The following IGF1R variants were observed in gnomAD, a reference collection of about 807,000 sequenced individuals.
The protein encoded by IGF1R is insulin-like growth factor 1 receptor.
Under a neutral mutation model 144.6 loss-of-function variants are expected in IGF1R, and 44 were observed. The observed-to-expected ratio is 0.30, with a 90% CI of 0.24 to 0.39. IGF1R has a LOEUF of 0.39. Ranked by LOEUF, IGF1R falls within the 10% of genes least tolerant of loss-of-function variation. The pLI, the probability that IGF1R is intolerant of heterozygous loss-of-function variation, is 1.00. For missense variants in IGF1R, 1,355 were observed against 1,833.7 expected, an observed-to-expected ratio of 0.74 and a Z score of 4.77; for synonymous variants, 795 against 722.8, an observed-to-expected ratio of 1.10 and a Z score of -1.60.
chr15:98,914,071 C>A (rs1243468966), intron 8 of IGF1R, among the ~76,000 whole-genome samples: 1 of 152,228 alleles, frequency 6.6e-6, no homozygotes, highest in Non-Finnish European at 1.5e-5. Context: ...TGAGGGCCCA[C>A]TCCCTGGCTC....
chr15:98,788,005 C>G (rs556442453), intron 2 of IGF1R, among the ~76,000 whole-genome samples: 6 of 150,666 alleles, frequency 4.0e-5, no homozygotes, highest in Non-Finnish European at 8.8e-5. Flanking sequence ...CCTCTGGATC[C>G]TCAGGCCACG....
At chr15:98,697,485 CTG>C (rs1171109187) in intron 1 of IGF1R, among the ~76,000 whole-genome samples, 2 of 152,144 alleles carry the variant, frequency 1.3e-5, no homozygotes, top group East Asian at 1.9e-4. Flanking sequence ...ACGAATCTGA[CTG>C]TGCTGGATGC....
chr15:98,650,278 C>T (rs1408361240), intron 1 of IGF1R, among the ~76,000 whole-genome samples: 1 of 152,214 alleles, frequency 6.6e-6, no homozygotes, highest in African/African-American at 2.4e-5. Context: ...GCCCAACGTG[C>T]TTTTGCCCCT....
chr15:98,765,428 C>T lies in IGF1R; in HGVS notation c.640+57321C>T, dbSNP rs535142587. On this transcript the variant is annotated intron_variant, in intron 2 of 20. Transcript: ENST00000650285. ...GGTTCAAGTGATTCTTGTGCCTCAG[C>T]CTCCCAAGTAGCTGGGGCCACAGGT... 7.6e-4 allele frequency among the ~76,000 whole-genome samples: 115 copies of T among 151,060 alleles called. 1 individual carries two copies. The highest frequency in any genetic ancestry group is 2.7e-3 in the African/African-American group (112 of 41,034).
At chr15:98,814,770 A>G (rs2141465283) in intron 2 of IGF1R, among the ~76,000 whole-genome samples, 1 of 151,896 alleles carries the variant, frequency 6.6e-6, no homozygotes. Context: ...AGAGAAATGA[A>G]TGGAAGACCA....
intron 1 of IGF1R, among the ~76,000 whole-genome samples, chr15:98,680,777 G>T (rs1264805989): frequency 6.6e-6 from 1 of 151,392 alleles, no homozygotes; most frequent in African/African-American, 2.4e-5. Context: ...TCACTATGTT[G>T]CCTAGGCTGG....
intron 1 of IGF1R, among the ~76,000 whole-genome samples, chr15:98,674,313 A>G (rs1472533007): frequency 6.6e-6 from 1 of 152,216 alleles, no homozygotes; most frequent in Non-Finnish European, 1.5e-5. Flanking sequence ...TCACTCTTGA[A>G]TGCCTGCTAC....
At chr15:98,775,346 C>A (rs183639369) in intron 2 of IGF1R, among the ~76,000 whole-genome samples, 1 of 152,158 alleles carries the variant, frequency 6.6e-6, no homozygotes, top group Admixed American at 6.5e-5. Context: ...GGAGCTTTGA[C>A]GATTCCAAAG....
chr15:98,708,170 C>CGAGT (rs2053911257), intron 2 of IGF1R, 63 bp downstream of exon 2: 1 of 1,400,338 alleles, frequency 7.1e-7, no homozygotes, highest in African/African-American at 1.4e-5. Context: ...CCTCCTTGAC[C>CGAGT]TCCCTTCTCT....
chr15:98,682,667 C>T (rs1479747292), intron 1 of IGF1R, among the ~76,000 whole-genome samples: 1 of 152,056 alleles, frequency 6.6e-6, no homozygotes, highest in Non-Finnish European at 1.5e-5. Context: ...CCTGCCTCAG[C>T]CTTCCAGGTA....
chr15:98,713,319 A>AT (rs2141268298), intron 2 of IGF1R, among the ~76,000 whole-genome samples: 1 of 152,146 alleles, frequency 6.6e-6, no homozygotes, highest in Non-Finnish European at 1.5e-5. Flanking sequence ...CGGAAGATAC[A>AT]TTTTCCCCTT....
chr15:98,935,215 C>T lies in IGF1R; in HGVS notation c.3187-101C>T. 1.0e-6 allele frequency: 1 copy of T among 1,002,620 alleles called. No individual in the cohort carries two copies. Among genetic ancestry groups the T allele is most frequent in the Non-Finnish European group, 1.5e-6 (1 of 647,020 alleles). The allele number at this position is 1,002,620 out of a possible 1,614,324, so 62.1% of individuals were successfully genotyped here. A position where few individuals can be genotyped will look rare whatever the true frequency, so the allele number is the denominator to read the frequency against. On this transcript the variant is annotated intron_variant, in intron 16 of 20. Transcript: ENST00000650285. This position sits in a 1 kb window ranked among gnomAD's most constrained non-coding sequence, Gnocchi z 4.2. Reference sequence around the variant, plus strand: ...TCACTGCTACCTTCAGACCCCTGTGCTCAGACCAGGCCGCAGCACCACAGA... The same window carrying T: ...TCACTGCTACCTTCAGACCCCTGTGTTCAGACCAGGCCGCAGCACCACAGA...
intron 2 of IGF1R, among the ~76,000 whole-genome samples, chr15:98,766,968 C>T (rs1397387433): frequency 2.6e-5 from 4 of 152,198 alleles, no homozygotes; most frequent in Non-Finnish European, 4.4e-5. Context: ...ATGGTGTCAG[C>T]GTAGGGACCA....
At position 98,769,353 on chromosome 15, in the gene IGF1R, T is replaced by TA. The variant is rs9282717; in HGVS notation, c.640+61252dup. 3.7e-4 allele frequency among the ~76,000 whole-genome samples: 56 copies of TA among 152,284 alleles called. 1 individual carries two copies. The highest frequency in any genetic ancestry group is 3.3e-3 in the Admixed American group (51 of 15,292). On this transcript the variant is annotated intron_variant, in intron 2 of 20. Transcript: ENST00000650285. ...TTTTGCTCTAAGGGGTATAAGGTGT[T>TA]AAAAAATGAATGGAAGTTAACTCAT...
intron 20 of IGF1R, among the ~76,000 whole-genome samples, chr15:98,951,255 T>G (rs559125353): frequency 4.6e-5 from 7 of 152,318 alleles, no homozygotes; most frequent in Non-Finnish European, 8.8e-5. Context: ...CCTGGGCCAG[T>G]GATGGGAGGC....
At position 98,656,607 on chromosome 15, in the gene IGF1R, T is replaced by A. The variant is rs1023415271; in HGVS notation, c.94+6932T>A. ...CACCTGGTAATAGTCTGGAAAACAT[T>A]TTTTTTTTGTTTTTTTGCATATTTT... On this transcript the variant is annotated intron_variant, in intron 1 of 20. Coordinates refer to ENST00000650285, the MANE Select transcript of IGF1R (RefSeq NM_000875.5). 5.7e-5 allele frequency among the ~76,000 whole-genome samples: 6 copies of A among 106,094 alleles called. No homozygotes were observed. The African/African-American group carries it at 6.7e-4, about 12-fold the overall frequency. 69.6% of individuals were successfully genotyped at this position (106,094 alleles called of 152,430 possible).
In IGF1R at chr15:98,910,583, C is replaced by G. The variant is rs76565101; in HGVS notation, c.1463-732C>G. Among the ~76,000 whole-genome samples, 271 of 152,374 alleles carry G rather than the reference C, an allele frequency of 1.8e-3. 2 individuals carry two copies. Among genetic ancestry groups the G allele is most frequent in the African/African-American group, 5.5e-3 (230 of 41,590 alleles). The stretch of plus-strand genomic sequence containing the variant: ...TCCATGAGGGTGGGCAGTCATCAGT[C>G]TTTCCCTGGTCCTTATCGTAGTTTG... On this transcript the variant is annotated intron_variant, in intron 6 of 20. Coordinates refer to ENST00000650285, the MANE Select transcript of IGF1R (RefSeq NM_000875.5).
At chr15:98,688,266 C>G (rs1477418659) in intron 1 of IGF1R, among the ~76,000 whole-genome samples, 2 of 151,032 alleles carry the variant, frequency 1.3e-5, no homozygotes, top group African/African-American at 4.9e-5. Context: ...CCCCTTCTCT[C>G]CTGCTCCTGT....
chr15:98,896,897 G>A lies in IGF1R; in HGVS notation c.1094G>A (p.Arg365Gln), dbSNP rs1180612681. The A allele has an allele frequency of 1.9e-6, 3 of 1,614,028 alleles. No individual in the cohort carries two copies. The highest frequency in any genetic ancestry group is 1.3e-5 in the African/African-American group (1 of 75,040). The change falls in exon 4 of 21, where the codon CGA (arginine) becomes CAA (glutamine). Residue 365 changes from arginine to glutamine, a missense_variant. Transcript: ENST00000650285. ...AAGGGCAATTTGCTCATTAACATCC[G>A]ACGGGGGAGTAAGTATTCCATCCCC... ...IFKGNLLINI[R>Q]RGNNIASELE...
Sources: gnomAD v4.1 joint callset for allele counts (sites outside exome capture counted in the v4.1 genomes callset) on GRCh38, gnomAD v4.1.1 for gene constraint, Gnocchi (gnomAD v3.1) non-coding constraint, MANE v1.5 for transcripts, NCBI Gene and HGNC (gene_info 2026-07-23, HGNC 2026-07-21) for gene names.